The following CLEC18A variants were observed in gnomAD, a reference collection of about 807,000 sequenced individuals.
The protein encoded by CLEC18A is C-type lectin domain family 18 member A, also known as mannose receptor-like 1.
A neutral mutation model predicts 24.0 loss-of-function variants in CLEC18A; 5 were observed. That is an observed-to-expected ratio of 0.21 (90% CI 0.11 to 0.44). The LOEUF (loss-of-function observed/expected upper bound fraction) is 0.44, where lower values mean the gene tolerates loss of function less well. CLEC18A is among the 20% of genes least tolerant of loss of function. The probability of loss-of-function intolerance (pLI) is 0.99; values close to 1 mark genes in which losing one functional copy is unlikely to be tolerated. For synonymous variants in CLEC18A, 29 were observed against 100.1 expected (o/e 0.29, Z 4.24); for missense variants, 83 against 233.4 (o/e 0.36, Z 4.20).
chr16:69,944,007 T>A, the CLEC18A span, among the ~76,000 whole-genome samples: 411 of 119,666 alleles, frequency 3.4e-3, 1 homozygote, highest in African/African-American at 7.4e-3. Flanking sequence ...GCTAAGTAAG[T>A]CATCCGGGCC....
At chr16:69,955,001 C>G (rs1291856923) in intron 3 of CLEC18A, among the ~76,000 whole-genome samples, 1 of 149,378 alleles carries the variant, frequency 6.7e-6, no homozygotes, top group Admixed American at 6.7e-5. Flanking sequence ...TGCCCCGCCA[C>G]ATTTTTTCTT....
chr16:69,966,227 C>A (rs1959389540), downstream of CLEC18A, among the ~76,000 whole-genome samples: 1 of 150,104 alleles, frequency 6.7e-6, no homozygotes, highest in South Asian at 2.1e-4. Context: ...TGAGGAAGGG[C>A]AGTGGACATT....
the CLEC18A span, among the ~76,000 whole-genome samples, chr16:69,945,167 A>G: frequency 6.8e-6 from 1 of 146,662 alleles, no homozygotes; most frequent in Non-Finnish European, 1.5e-5. Context: ...GCACGTGCCT[A>G]TCGTCCTACC....
At chr16:69,949,839 ATGGTGGCACACACC>A (rs1421227001), upstream of CLEC18A, among the ~76,000 whole-genome samples, 2 of 59,680 alleles carry the variant, frequency 3.4e-5, no homozygotes, top group African/African-American at 8.9e-5. Context: ...TTAGCCAGGC[ATGGTGGCACACACC>A]TGGTCCCAGC....
At chr16:69,944,297 C>T in the CLEC18A span, among the ~76,000 whole-genome samples, 2 of 149,898 alleles carry the variant, frequency 1.3e-5, no homozygotes, top group Non-Finnish European at 3.0e-5. Context: ...GGTATAGATA[C>T]GGGGAGCTTG....
the CLEC18A span, among the ~76,000 whole-genome samples, chr16:69,945,052 G>T: frequency 6.8e-6 from 1 of 146,174 alleles, no homozygotes; most frequent in Non-Finnish European, 1.5e-5. Flanking sequence ...TGAGGTGGGA[G>T]GATCACCTGA....
At chr16:69,965,248 C>T (rs1415286491), downstream of CLEC18A, among the ~76,000 whole-genome samples, 3 of 151,922 alleles carry the variant, frequency 2.0e-5, no homozygotes, top group Non-Finnish European at 4.4e-5. Context: ...AGGCGCTGAG[C>T]CCCCTGATCC....
intron 3 of CLEC18A, among the ~76,000 whole-genome samples, chr16:69,956,168 G>T (rs1194819382): frequency 2.1e-5 from 3 of 142,998 alleles, no homozygotes; most frequent in Non-Finnish European, 3.0e-5. Flanking sequence ...AATTGCTGGA[G>T]CCTGGGAGGT....
intron 3 of CLEC18A, among the ~76,000 whole-genome samples, chr16:69,955,648 A>G (rs1449445671): frequency 1.4e-5 from 2 of 148,018 alleles, no homozygotes; most frequent in Non-Finnish European, 3.0e-5. Context: ...CACCGCACCC[A>G]GCCTCAAACG....
upstream of CLEC18A, among the ~76,000 whole-genome samples, chr16:69,950,190 TG>T (rs1467560468): frequency 4.8e-5 from 6 of 124,736 alleles, 1 homozygote; most frequent in African/African-American, 1.5e-4. Flanking sequence ...ATTCCACTGG[TG>T]TTTCCCCAGG....
intron 3 of CLEC18A, 76 bp downstream of exon 3, chr16:69,954,649 A>G (rs2059009054): frequency 6.3e-7 from 1 of 1,576,884 alleles, no homozygotes; most frequent in Non-Finnish European, 8.6e-7. Flanking sequence ...AGAAGAGGCT[A>G]CAGTTTGTCC....
At chr16:69,955,333 A>G (rs1358121020) in intron 3 of CLEC18A, among the ~76,000 whole-genome samples, 3 of 150,912 alleles carry the variant, frequency 2.0e-5, no homozygotes, top group Non-Finnish European at 4.4e-5. Flanking sequence ...TGAAATATAA[A>G]TAATTTCAAA....
chr16:69,955,864 G>A (rs1467143387), intron 3 of CLEC18A, among the ~76,000 whole-genome samples: 8 of 151,964 alleles, frequency 5.3e-5, no homozygotes, highest in Non-Finnish European at 1.0e-4. Context: ...CACACCTGGC[G>A]CTCTTCAGAT....
intron 3 of CLEC18A, among the ~76,000 whole-genome samples, chr16:69,954,947 A>C (rs1397047169): frequency 6.6e-6 from 1 of 151,730 alleles, no homozygotes; most frequent in Non-Finnish European, 1.5e-5. Flanking sequence ...TGATCCACCC[A>C]CCTCAGCCTC....
chr16:69,965,788 G>A (rs1350517591), downstream of CLEC18A, among the ~76,000 whole-genome samples: 2 of 87,044 alleles, frequency 2.3e-5, 1 homozygote, highest in African/African-American at 1.3e-4. Context: ...GGGAAACTGG[G>A]GAGTCCCGGG....
chr16:69,948,382 TG>T (rs1364927544), upstream of CLEC18A, among the ~76,000 whole-genome samples: 13 of 105,092 alleles, frequency 1.2e-4, no homozygotes, highest in Admixed American at 8.1e-4. Flanking sequence ...ATGTTTTTTT[TG>T]TTTGTTTGTT....
At chr16:69,946,361 G>A (rs928672505), upstream of CLEC18A, among the ~76,000 whole-genome samples, 27 of 138,928 alleles carry the variant, frequency 1.9e-4, 1 homozygote, top group African/African-American at 6.3e-4. Flanking sequence ...GTTTCTCTCA[G>A]CAATGTTGTT....
chr16:69,945,074 G>A, the CLEC18A span, among the ~76,000 whole-genome samples: 27 of 146,214 alleles, frequency 1.8e-4, no homozygotes, highest in Admixed American at 8.0e-4. Flanking sequence ...CCCCGGAGCC[G>A]TGAGCACACC....
At chr16:69,950,346 A>T (rs1178348248), upstream of CLEC18A, among the ~76,000 whole-genome samples, 3 of 128,778 alleles carry the variant, frequency 2.3e-5, no homozygotes, top group Admixed American at 2.4e-4. Flanking sequence ...GCCCTGGTTG[A>T]ATAACCTTTG....
Sources: gnomAD v4.1 joint callset for allele counts (sites outside exome capture counted in the v4.1 genomes callset) on GRCh38, gnomAD v4.1.1 for gene constraint, MANE v1.5 for transcripts, NCBI Gene and HGNC (gene_info 2026-07-23, HGNC 2026-07-21) for gene names.